N4BP2: variants seen among roughly 807,000 people sequenced by gnomAD.
N4BP2 encodes the protein NEDD4-binding protein 2.
In N4BP2, 91 loss-of-function variants were observed where a neutral mutation model predicts 152.8. The observed-to-expected ratio is 0.60, with a 90% CI of 0.50 to 0.71. The LOEUF (loss-of-function observed/expected upper bound fraction) is 0.71, where lower values mean the gene tolerates loss of function less well. Ranked by LOEUF, N4BP2 falls within the 30% of genes least tolerant of loss-of-function variation. The pLI is 0.00. For synonymous variants in N4BP2, 646 were observed against 705.3 expected, an observed-to-expected ratio of 0.92 and a Z score of 1.33; for missense variants, 1,923 against 2,059.1, an observed-to-expected ratio of 0.93 and a Z score of 1.28.
intron 12 of N4BP2, among the ~76,000 whole-genome samples, chr4:40,128,613 C>T (rs1299207731): frequency 1.3e-5 from 2 of 151,712 alleles, no homozygotes; most frequent in Non-Finnish European, 2.9e-5. Flanking sequence ...CTGCAACCTC[C>T]ACCTCCTGGG....
chr4:40,132,923 A>ATT (rs33951887), intron 13 of N4BP2, among the ~76,000 whole-genome samples: 2 of 145,688 alleles, frequency 1.4e-5, no homozygotes, highest in Non-Finnish European at 3.0e-5. Context: ...TTGGTCTGTG[A>ATT]TTTTTTTTTT....
intron 1 of N4BP2, among the ~76,000 whole-genome samples, chr4:40,070,172 A>G (rs183321597): frequency 6.6e-5 from 10 of 152,312 alleles, no homozygotes; most frequent in African/African-American, 2.4e-4. Context: ...TTTTATCTAC[A>G]TATATAAATT....
chr4:40,109,158 T>C (rs2109975791), intron 5 of N4BP2, among the ~76,000 whole-genome samples: 1 of 152,274 alleles, frequency 6.6e-6, no homozygotes, highest in Non-Finnish European at 1.5e-5. Flanking sequence ...GATTCTTGGG[T>C]TTGCCATCTT....
intron 4 of N4BP2, among the ~76,000 whole-genome samples, chr4:40,105,414 C>T (rs1272597185): frequency 1.3e-5 from 2 of 151,376 alleles, no homozygotes; most frequent in Admixed American, 1.3e-4. Context: ...ACCTCCACCT[C>T]CCCAGGTTTA....
intron 14 of N4BP2, among the ~76,000 whole-genome samples, chr4:40,138,392 CTGT>C (rs550316210): frequency 2.1e-3 from 324 of 152,314 alleles, no homozygotes; most frequent in African/African-American, 7.1e-3. Flanking sequence ...GCCTTTCACT[CTGT>C]TGTTTCTGTT....
chr4:40,188,906 A>G, the N4BP2 span, among the ~76,000 whole-genome samples: 1 of 152,118 alleles, frequency 6.6e-6, no homozygotes, highest in Admixed American at 6.6e-5. Context: ...ACATTTTGGG[A>G]GGCCGAGGCG....
the N4BP2 span, among the ~76,000 whole-genome samples, chr4:40,187,568 C>A: frequency 6.6e-6 from 1 of 151,982 alleles, no homozygotes; most frequent in Non-Finnish European, 1.5e-5. Context: ...GATCCTCCCA[C>A]CTTGGCCTCC....
At chr4:40,174,979 A>G in the N4BP2 span, among the ~76,000 whole-genome samples, 1 of 151,574 alleles carries the variant, frequency 6.6e-6, no homozygotes, top group Non-Finnish European at 1.5e-5. Context: ...AGCCAGTCAC[A>G]GAAAGAAAAG....
intron 12 of N4BP2, among the ~76,000 whole-genome samples, chr4:40,128,457 T>G (rs1477832753): frequency 6.6e-6 from 1 of 152,122 alleles, no homozygotes; most frequent in Non-Finnish European, 1.5e-5. Context: ...CAGTAGATCT[T>G]AAAATTTTAG....
chr4:40,140,836 C>G (rs1289496918), intron 14 of N4BP2, among the ~76,000 whole-genome samples: 3 of 151,318 alleles, frequency 2.0e-5, no homozygotes, highest in African/African-American at 7.3e-5. Flanking sequence ...CAAAGCACAT[C>G]TTGCACCGCC....
the N4BP2 span, among the ~76,000 whole-genome samples, chr4:40,187,953 A>G: frequency 6.6e-6 from 1 of 152,250 alleles, no homozygotes; most frequent in African/African-American, 2.4e-5. Context: ...GAATAAAAAG[A>G]CAAAAAGAGA....
At chr4:40,099,593 A>G (rs1715428989) in intron 3 of N4BP2, among the ~76,000 whole-genome samples, 1 of 152,070 alleles carries the variant, frequency 6.6e-6, no homozygotes, top group Admixed American at 6.6e-5. Flanking sequence ...ATTTTTCCTA[A>G]TTTGTGTTTT....
Position 40,157,581 on chromosome 4 carries a change from G to A in N4BP2, c.*3344G>A, listed in dbSNP as rs904267039. The stretch of plus-strand genomic sequence containing the variant: ...ACTGCTCTCAATTTAAGAAAATGAC[G>A]AAATGTATAAAAAAGACAAAAATAA... On this transcript the variant is annotated 3_prime_UTR_variant, in exon 18 of 18. Transcript: ENST00000261435. 2.6e-5 allele frequency: 4 copies of A among 152,200 alleles called. No homozygotes were observed. Among genetic ancestry groups the A allele is most frequent in the South Asian group, 2.1e-4 (1 of 4,824 alleles). 9.4% of individuals were successfully genotyped at this position (152,200 alleles called of 1,614,324 possible).
chr4:40,080,901 C>T (rs1002378656), intron 2 of N4BP2, among the ~76,000 whole-genome samples: 5 of 136,010 alleles, frequency 3.7e-5, no homozygotes, highest in African/African-American at 1.4e-4. Context: ...CTCCTGATCT[C>T]GTGATCCGCC....
chr4:40,096,391 C>T (rs1715108563), intron 2 of N4BP2, among the ~76,000 whole-genome samples: 1 of 152,022 alleles, frequency 6.6e-6, no homozygotes, highest in Admixed American at 6.6e-5. Flanking sequence ...TGTAAAGGTT[C>T]CCAGGGGAGA....
intron 5 of N4BP2, among the ~76,000 whole-genome samples, chr4:40,110,588 A>ATC (rs2109978182): frequency 6.6e-6 from 1 of 152,268 alleles, no homozygotes; most frequent in South Asian, 2.1e-4. Context: ...CTTAGACTGG[A>ATC]GTGCAGTGGC....
chr4:40,112,068 A>G lies in N4BP2; in HGVS notation c.1499-16A>G, dbSNP rs761089436. 117 of 1,280,802 alleles carry G rather than the reference A, an allele frequency of 9.1e-5. 2 individuals are homozygous for G. In the South Asian group the frequency reaches 1.5e-3, roughly 16 times the overall value. The allele number at this position is 1,280,802 out of a possible 1,614,324, so 79.3% of individuals were successfully genotyped here. ...ATTGTTTAAAAAATGATTTTTAATT[A>G]TGTTATGTTTTTCAGCAAAAGAAGC... On this transcript the variant is annotated splice_polypyrimidine_tract_variant and intron_variant, in intron 5 of 17. Coordinates refer to ENST00000261435, the MANE Select transcript of N4BP2 (RefSeq NM_018177.6).
At chr4:40,163,581 C>A in the N4BP2 span, among the ~76,000 whole-genome samples, 60 of 152,332 alleles carry the variant, frequency 3.9e-4, 1 homozygote, top group African/African-American at 1.3e-3. Flanking sequence ...CATTCTTGTT[C>A]AGCAAGACTT....
At chr4:40,159,655 A>G (rs925083494), downstream of N4BP2, among the ~76,000 whole-genome samples, 3 of 152,188 alleles carry the variant, frequency 2.0e-5, no homozygotes, top group African/African-American at 7.2e-5. Context: ...TAGTCATGTC[A>G]TATCTAGCTG....
Sources: allele counts gnomAD v4.1 joint callset (sites outside exome capture counted in the v4.1 genomes callset), GRCh38; gene constraint gnomAD v4.1.1; transcripts MANE v1.5; gene names NCBI Gene and HGNC (gene_info 2026-07-23, HGNC 2026-07-21).